The following HUNK variants were observed in gnomAD, a reference collection of about 807,000 sequenced individuals.
HUNK encodes hormonally up-regulated neu tumor-associated kinase.
A neutral mutation model predicts 61.0 loss-of-function variants in HUNK; 21 were observed. That is an observed-to-expected ratio of 0.34 (90% confidence interval 0.24 to 0.50). HUNK has a LOEUF of 0.50. Ranked by LOEUF, HUNK falls within the 20% of genes least tolerant of loss-of-function variation. HUNK has a pLI of 0.98. For missense variants in HUNK, 772 were observed against 945.7 expected (o/e 0.82, Z 2.41); for synonymous variants, 371 against 386.1 (o/e 0.96, Z 0.46).
intron 1 of HUNK, among the ~76,000 whole-genome samples, chr21:31,911,822 C>T (rs1183450698): frequency 1.3e-5 from 2 of 152,048 alleles, no homozygotes; most frequent in East Asian, 3.9e-4. Flanking sequence ...CCTGTGAGGT[C>T]TCCCCACCAC....
chr21:31,986,144 C>T lies in HUNK; in HGVS notation c.1257+2535C>T, dbSNP rs1380089018. Among the ~76,000 whole-genome samples the T allele has an allele frequency of 2.0e-5, 3 of 152,138 alleles. No individual in the cohort carries two copies. In the East Asian group the frequency reaches 5.8e-4, roughly 29 times the overall value. The stretch of plus-strand genomic sequence containing the variant: ...GCCAGTTGCTTACTAAATGTTAACC[C>T]CCTCTTGCATGAATGAAGGGGTCTT... On this transcript the variant is annotated intron_variant, in intron 8 of 10. Transcript: ENST00000270112.
chr21:31,876,452 T>C (rs535177473), intron 1 of HUNK, among the ~76,000 whole-genome samples: 16 of 152,312 alleles, frequency 1.1e-4, no homozygotes, highest in Middle Eastern at 3.4e-3. Context: ...TTTTAGCAGA[T>C]TGTGGGGATT....
At position 31,958,760 on chromosome 21, in the gene HUNK, A is replaced by C. The variant is rs550432477; in HGVS notation, c.747-83A>C. 136 of 1,350,198 alleles carry C rather than the reference A, an allele frequency of 1.0e-4. No individual in the cohort carries two copies. In the African/African-American group the frequency reaches 1.9e-3, roughly 18 times the overall value. 83.6% of individuals were successfully genotyped at this position (1,350,198 alleles called of 1,614,324 possible). A position where few individuals can be genotyped will look rare whatever the true frequency, so the allele number is the denominator to read the frequency against. ...GGTTGGCATGGAAGCAGCAGCTCCCACGCTTCGGTGAAGCCCGTGTCCCCA... is the reference window on the plus strand; with the variant it reads ...GGTTGGCATGGAAGCAGCAGCTCCCCCGCTTCGGTGAAGCCCGTGTCCCCA... On this transcript the variant is annotated intron_variant, in intron 4 of 10. Coordinates refer to ENST00000270112, the MANE Select transcript of HUNK (RefSeq NM_014586.2).
chr21:31,914,122 C>G (rs2052565239), intron 1 of HUNK, among the ~76,000 whole-genome samples: 1 of 151,964 alleles, frequency 6.6e-6, no homozygotes, highest in Admixed American at 6.6e-5. Context: ...AAGACCTGGC[C>G]CTAGGCCGGG....
chr21:31,998,567 T>G lies in HUNK; in HGVS notation c.1528T>G (p.Ser510Ala), dbSNP rs2053221781. 12 of 1,605,690 alleles carry G rather than the reference T, an allele frequency of 7.5e-6. No homozygotes were observed. The highest frequency in any genetic ancestry group is 9.3e-6 in the Non-Finnish European group (11 of 1,177,202). ...CAATATTTTCCGCAAAACCTCAGAT[T>G]CCAATTGTGTGGCTTCTTCTTCCAT... ...CRNIFRKTSD[S>A]NCVASSSMEF... The change falls in exon 11 of 11, where the codon TCC becomes GCC. Residue 510 changes from serine to alanine, a missense_variant. Physicochemically the swap from Ser to Ala is moderately conservative, Grantham distance 99. This residue lies in a region of HUNK where 413 missense variants were observed against 444.4 expected (regional missense o/e 0.93). Transcript: ENST00000270112.
intron 7 of HUNK, among the ~76,000 whole-genome samples, chr21:31,982,489 A>C (rs992326929): frequency 1.3e-5 from 2 of 152,170 alleles, no homozygotes; most frequent in Admixed American, 6.5e-5. Context: ...AAAAAGTAAA[A>C]TGTTATCTCT....
chr21:31,913,489 G>A (rs966611799), intron 1 of HUNK, among the ~76,000 whole-genome samples: 4 of 152,068 alleles, frequency 2.6e-5, no homozygotes, highest in Non-Finnish European at 4.4e-5. Flanking sequence ...TGTGGGAATA[G>A]GGGCAGGGTG....
At chr21:31,903,441 G>A (rs931565075) in intron 1 of HUNK, among the ~76,000 whole-genome samples, 1 of 151,756 alleles carries the variant, frequency 6.6e-6, no homozygotes, top group African/African-American at 2.4e-5. Context: ...AGTAAAAAAT[G>A]TTCGCTAGGT....
intron 5 of HUNK, among the ~76,000 whole-genome samples, chr21:31,967,253 AG>A (rs139507972): frequency 1.4e-4 from 21 of 152,244 alleles, no homozygotes; most frequent in Non-Finnish European, 2.5e-4. Context: ...TGGAAGGCTG[AG>A]GTGGGAAGGT....
intron 8 of HUNK, among the ~76,000 whole-genome samples, chr21:31,985,325 T>C (rs1279333915): frequency 3.3e-5 from 5 of 152,318 alleles, no homozygotes; most frequent in Non-Finnish European, 7.4e-5. Context: ...TGCACATCGC[T>C]CTGGAAGATT....
intron 1 of HUNK, among the ~76,000 whole-genome samples, chr21:31,921,309 G>C (rs183404890): frequency 1.3e-5 from 2 of 152,070 alleles, no homozygotes; most frequent in Non-Finnish European, 2.9e-5. Flanking sequence ...TGTCGTGAAG[G>C]GGGAGTGGTC....
intron 1 of HUNK, among the ~76,000 whole-genome samples, chr21:31,886,283 G>A (rs2052345019): frequency 6.6e-6 from 1 of 152,096 alleles, no homozygotes; most frequent in Non-Finnish European, 1.5e-5. Context: ...TTATCTGGGT[G>A]TGGTGGTGCA....
At chr21:31,974,342 G>C (rs2053033478) in intron 6 of HUNK, 1 of 388,268 alleles carries the variant, frequency 2.6e-6, no homozygotes, top group Admixed American at 4.4e-5. Context: ...ATGCAAGGAT[G>C]GCAAAGTGAT....
chr21:31,997,294 C>T (rs1337123003), intron 10 of HUNK, among the ~76,000 whole-genome samples: 1 of 152,240 alleles, frequency 6.6e-6, no homozygotes, highest in African/African-American at 2.4e-5. Flanking sequence ...CAACCAGAGA[C>T]AGAAACCATG....
chr21:31,990,780 C>A (rs1383688396), intron 9 of HUNK, among the ~76,000 whole-genome samples: 1 of 152,154 alleles, frequency 6.6e-6, no homozygotes, highest in Admixed American at 6.6e-5. Flanking sequence ...AAGCCATCCA[C>A]CTGCCTCAGC....
intron 1 of HUNK, among the ~76,000 whole-genome samples, chr21:31,916,755 C>T (rs954804916): frequency 8.6e-5 from 13 of 151,880 alleles, no homozygotes; most frequent in African/African-American, 2.9e-4. Context: ...TGGCTCACTG[C>T]AGGCTCTGCC....
intron 6 of HUNK, among the ~76,000 whole-genome samples, chr21:31,969,381 G>A (rs752284787): frequency 2.0e-5 from 3 of 152,100 alleles, no homozygotes; most frequent in Admixed American, 6.5e-5. Flanking sequence ...GGAGTCATTC[G>A]TTTTAGGCCG....
At chr21:31,954,338 A>T (rs2052873160) in intron 4 of HUNK, among the ~76,000 whole-genome samples, 1 of 152,226 alleles carries the variant, frequency 6.6e-6, no homozygotes, top group Non-Finnish European at 1.5e-5. Flanking sequence ...TTAAAGGAAG[A>T]ACGTTCTCGA....
At chr21:31,979,512 ATTCTT>A (rs2053077374) in intron 7 of HUNK, among the ~76,000 whole-genome samples, 2 of 99,528 alleles carry the variant, frequency 2.0e-5, no homozygotes, top group South Asian at 3.2e-4. Flanking sequence ...AGTTGTTTGC[ATTCTT>A]TTTTTTTTTT....
Sources: gnomAD v4.1 joint callset for allele counts (sites outside exome capture counted in the v4.1 genomes callset) on GRCh38, gnomAD v4.1.1 for gene constraint, gnomAD v4.1.1 regional missense constraint, MANE v1.5 for transcripts, NCBI Gene and HGNC (gene_info 2026-07-23, HGNC 2026-07-21) for gene names.